KBTBD3: variants seen among roughly 807,000 people sequenced by gnomAD.
The protein encoded by KBTBD3 is kelch repeat and BTB domain containing 3.
In KBTBD3, 38 loss-of-function variants were observed where a neutral mutation model predicts 49.6. The observed-to-expected ratio is 0.77, with a 90% CI of 0.59 to 1.00. KBTBD3 has a LOEUF of 1.00. KBTBD3 is among the 50% of genes least tolerant of loss of function. The pLI is 0.00. For missense variants in KBTBD3, 661 were observed against 712.0 expected (o/e 0.93, Z 0.81); for synonymous variants, 214 against 250.4 (o/e 0.85, Z 1.37).
At position 106,053,943 on chromosome 11, in the gene KBTBD3, T is replaced by C. The variant is rs761041118; in HGVS notation, c.746A>G (p.Glu249Gly). 1.2e-6 allele frequency: 2 copies of C among 1,613,950 alleles called. No individual in the cohort carries two copies. The highest frequency in any genetic ancestry group is 1.1e-5 in the South Asian group (1 of 91,076). The change falls in exon 4 of 4, where the codon GAG (glutamate) becomes GGG (glycine). Residue 249 changes from glutamate to glycine, a missense_variant. Transcript: ENST00000531837. ...EKVRLHQLSE[E>G]TLQDCLFNEE... ...ATTGAACAGACAGTCCTGAAGTGTC[T>C]CCTCAGATAACTGATGTAATCTCAC...
rs1191666551 is a variant in KBTBD3 at position 106,052,176 on chromosome 11, G to T, written c.*674C>A. The T allele has an allele frequency of 6.6e-6, 1 of 151,114 alleles. No homozygotes were observed. Among genetic ancestry groups the T allele is most frequent in the African/African-American group, 2.4e-5 (1 of 40,818 alleles). 9.4% of individuals were successfully genotyped at this position (151,114 alleles called of 1,614,324 possible). A position where few individuals can be genotyped will look rare whatever the true frequency, so the allele number is the denominator to read the frequency against. ...ATTGAACCAGAAAATGAGAGGGGGG[G>T]AGGAGAGAGAGAGAGAGAGCTAGAA... On this transcript the variant is annotated 3_prime_UTR_variant, in exon 4 of 4. Coordinates refer to ENST00000531837, the MANE Select transcript of KBTBD3 (RefSeq NM_198439.3).
At chr11:106,061,081 T>C (rs1203573776) in intron 2 of KBTBD3, among the ~76,000 whole-genome samples, 1 of 152,124 alleles carries the variant, frequency 6.6e-6, no homozygotes, top group East Asian at 1.9e-4. Flanking sequence ...CACTGATCAT[T>C]AGGGTTTTCT....
At chr11:106,073,078 C>A (rs1034455226) in intron 2 of KBTBD3, among the ~76,000 whole-genome samples, 1 of 151,746 alleles carries the variant, frequency 6.6e-6, no homozygotes, top group Admixed American at 6.6e-5. Flanking sequence ...TATAATGTGC[C>A]ATGCTTTGTA....
rs1401010903 is a variant in KBTBD3, at chr11:106,076,688, C to T, written c.-194G>A. ...GCGTGGGCTTTCATACGAGAGTCAA[C>T]AACAGCCTACACGGAACAACTAAGG... is the stretch of plus-strand genomic sequence containing the variant. On this transcript the variant is annotated 5_prime_UTR_variant, in exon 2 of 4. Coordinates refer to ENST00000531837, the MANE Select transcript of KBTBD3 (RefSeq NM_198439.3). The T allele has an allele frequency of 6.6e-6, 1 of 152,216 alleles. No homozygotes were observed. Among genetic ancestry groups the T allele is most frequent in the Non-Finnish European group, 1.5e-5 (1 of 68,070 alleles). 9.4% of individuals were successfully genotyped at this position (152,216 alleles called of 1,614,324 possible).
intron 2 of KBTBD3, among the ~76,000 whole-genome samples, chr11:106,066,150 T>C (rs370441581): frequency 6.6e-6 from 1 of 152,168 alleles, no homozygotes; most frequent in African/African-American, 2.4e-5. Flanking sequence ...ATCCACATCA[T>C]ACAGCAAAAT....
chr11:106,075,339 G>C (rs1288351752), intron 2 of KBTBD3, among the ~76,000 whole-genome samples: 1 of 152,162 alleles, frequency 6.6e-6, no homozygotes, highest in African/African-American at 2.4e-5. Flanking sequence ...AAGGCAGATA[G>C]AATATAAAAA....
intron 2 of KBTBD3, among the ~76,000 whole-genome samples, chr11:106,062,434 A>G (rs1860720532): frequency 6.6e-6 from 1 of 152,208 alleles, no homozygotes; most frequent in Non-Finnish European, 1.5e-5. Context: ...GTACAGTTTC[A>G]GTACAAGTGC....
At chr11:106,067,655 T>C (rs1308010145) in intron 2 of KBTBD3, among the ~76,000 whole-genome samples, 1 of 148,266 alleles carries the variant, frequency 6.7e-6, no homozygotes, top group Non-Finnish European at 1.5e-5. Context: ...CATAAGTCAC[T>C]ATAGCTAAAT....
intron 3 of KBTBD3, among the ~76,000 whole-genome samples, chr11:106,056,268 A>T (rs959377473): frequency 1.3e-5 from 2 of 152,240 alleles, no homozygotes; most frequent in African/African-American, 4.8e-5. Flanking sequence ...ACTATATGTA[A>T]TAAAGGATCT....
At chr11:106,057,151 CA>C in intron 3 of KBTBD3, among the ~76,000 whole-genome samples, 2 of 152,090 alleles carry the variant, frequency 1.3e-5, no homozygotes, top group South Asian at 4.2e-4. Flanking sequence ...AGGTGTTTAG[CA>C]GGAAGTATGT....
intron 3 of KBTBD3, among the ~76,000 whole-genome samples, chr11:106,054,808 C>T (rs1025166057): frequency 6.6e-6 from 1 of 151,930 alleles, no homozygotes; most frequent in Non-Finnish European, 1.5e-5. Flanking sequence ...TTAGTAACAG[C>T]TGTGCTGGTG....
At chr11:106,072,332 G>A (rs1860934704) in intron 2 of KBTBD3, among the ~76,000 whole-genome samples, 2 of 152,118 alleles carry the variant, frequency 1.3e-5, no homozygotes, top group Non-Finnish European at 2.9e-5. Context: ...TGCTCATATT[G>A]TTCTTTGTAT....
Position 106,053,272 on chromosome 11 carries a change from G to A in KBTBD3, c.1417C>T (p.Leu473Phe), listed in dbSNP as rs1231894324. ...VEITDAFNPSLDCFFKYNATT... is the reference protein window; with the variant it reads ...VEITDAFNPSFDCFFKYNATT... ...GCATTGTATTTAAAAAAGCAATCAA[G>A]TGATGGGTTAAAAGCATCTGTAATC... is the stretch of plus-strand genomic sequence containing the variant. The change falls in exon 4 of 4, where the codon CTT becomes TTT. Residue 473 changes from leucine (L) to phenylalanine (F), a missense_variant. Physicochemically the swap from Leu to Phe is conservative, Grantham distance 22. Transcript: ENST00000531837. The A allele has an allele frequency of 6.2e-7, 1 of 1,613,614 alleles. No individual in the cohort carries two copies. Among genetic ancestry groups the A allele is most frequent in the Non-Finnish European group, 8.5e-7 (1 of 1,179,790 alleles).
chr11:106,058,845 G>A lies in KBTBD3; in HGVS notation c.233+20C>T. The A allele has an allele frequency of 4.4e-6, 6 of 1,363,212 alleles. No homozygotes were observed. The highest frequency in any genetic ancestry group is 6.1e-6 in the Non-Finnish European group (6 of 979,438). 84.4% of individuals were successfully genotyped at this position (1,363,212 alleles called of 1,614,324 possible). ...AATTATCCAAATCATAAAATCTGAG[G>A]CATAGACAAGGTAAAGTACCTGAAA... On this transcript the variant is annotated intron_variant, in intron 3 of 3. Coordinates refer to ENST00000531837, the MANE Select transcript of KBTBD3 (RefSeq NM_198439.3).
rs201810355 is a variant in KBTBD3, at chr11:106,052,816, T to G, written c.*34A>C. Reference sequence around the variant, plus strand: ...TATCATTTTGGTTAACAAATTTACTTTAGGTTACTAGAACTGGACTCGTTT... The same window carrying G: ...TATCATTTTGGTTAACAAATTTACTGTAGGTTACTAGAACTGGACTCGTTT... On this transcript the variant is annotated 3_prime_UTR_variant, in exon 4 of 4. Transcript: ENST00000531837. 29 of 1,543,376 alleles carry G rather than the reference T, an allele frequency of 1.9e-5. No homozygotes were observed. The highest frequency in any genetic ancestry group is 2.5e-5 in the Non-Finnish European group (28 of 1,141,690).
At position 106,058,864 on chromosome 11, in the gene KBTBD3, C is replaced by T; in HGVS notation, c.233+1G>A. 6.5e-7 allele frequency: 1 copy of T among 1,538,066 alleles called. No homozygotes were observed. The highest frequency in any genetic ancestry group is 8.8e-7 in the Non-Finnish European group (1 of 1,135,256). The stretch of plus-strand genomic sequence containing the variant: ...TCTGAGGCATAGACAAGGTAAAGTA[C>T]CTGAAAAAGTCACTGCATGCTGCTA... On this transcript the variant is annotated splice_donor_variant, in intron 3 of 3. Transcript: ENST00000531837. LOFTEE classifies it high-confidence loss of function.
chr11:106,060,389 T>A (rs971320639), intron 2 of KBTBD3, among the ~76,000 whole-genome samples: 3 of 152,164 alleles, frequency 2.0e-5, no homozygotes, highest in Non-Finnish European at 4.4e-5. Context: ...GTTTTATATT[T>A]TTGCAAATCT....
chr11:106,056,100 G>T (rs1860547929), intron 3 of KBTBD3, among the ~76,000 whole-genome samples: 1 of 151,990 alleles, frequency 6.6e-6, no homozygotes, highest in African/African-American at 2.4e-5. Context: ...TTCATGCATT[G>T]TGCACTTTTC....
chr11:106,057,905 T>C (rs1366249260), intron 3 of KBTBD3: 1 of 390,738 alleles, frequency 2.6e-6, no homozygotes, highest in East Asian at 3.6e-5. Context: ...TCCATTTTTG[T>C]TCAACCTGTC....
Sources: gnomAD v4.1 joint callset for allele counts (sites outside exome capture counted in the v4.1 genomes callset) on GRCh38, gnomAD v4.1.1 for gene constraint, MANE v1.5 for transcripts, NCBI Gene and HGNC (gene_info 2026-07-23, HGNC 2026-07-21) for gene names.